RPS6KA4: variants seen among roughly 807,000 people sequenced by gnomAD.
RPS6KA4 encodes ribosomal protein S6 kinase A4.
A neutral mutation model predicts 89.6 loss-of-function variants in RPS6KA4; 38 were observed. The observed-to-expected ratio is 0.42, with a 90% CI of 0.33 to 0.56. RPS6KA4 has a LOEUF of 0.56. Ranked by LOEUF, RPS6KA4 falls within the 20% of genes least tolerant of loss-of-function variation. The pLI is 0.07. For synonymous variants in RPS6KA4, 495 were observed against 492.8 expected (o/e 1.00, Z -0.06); for missense variants, 873 against 1,098.8 (o/e 0.79, Z 2.90).
Position 64,359,458 on chromosome 11 carries a change from C to A in RPS6KA4, c.127+9C>A, listed in dbSNP as rs571704959. On this transcript the variant is annotated intron_variant, in intron 2 of 16. Transcript: ENST00000334205. ...GGTGCTGGGCACGGGAGGTGAGGAC[C>A]CCCATCCACCGGGCAGGCGTCCCAG... 6 of 1,613,080 alleles carry A rather than the reference C, an allele frequency of 3.7e-6. No individual in the cohort carries two copies. The African/African-American group carries it at 5.3e-5, about 14-fold the overall frequency.
At position 64,361,921 on chromosome 11, in the gene RPS6KA4, G is replaced by A. The variant is rs754256391; in HGVS notation, c.825G>A (p.Arg275=). 3.1e-6 allele frequency: 5 copies of A among 1,612,586 alleles called. No individual in the cohort carries two copies. Among genetic ancestry groups the A allele is most frequent in the Non-Finnish European group, 4.2e-6 (5 of 1,179,766 alleles). Residue 275 remains arginine (R), a synonymous_variant, in exon 8 of 17, where the codon CGG becomes CGA. Transcript: ENST00000334205. This position sits in a 1 kb window ranked among gnomAD's most constrained non-coding sequence, Gnocchi z 4.7. ...CCGTGGCGCAGGACCTGCTGCAGCGGCTGCTTTGTAAGGATCCTAAGAAGC... is the reference window on the plus strand; with the variant it reads ...CCGTGGCGCAGGACCTGCTGCAGCGACTGCTTTGTAAGGATCCTAAGAAGC... ...IGPVAQDLLQ[R]LLCKDPKKRL... is the part of the protein sequence containing the mutation.
At position 64,361,420 on chromosome 11, in the gene RPS6KA4, G is replaced by A. The variant is rs772604715; in HGVS notation, c.571-49G>A. ...TTACTCTGGGCCTTGTGGGGCACTG[G>A]GGCACAGGAGAGGTTTCGACATCTA... is the stretch of plus-strand genomic sequence containing the variant. On this transcript the variant is annotated intron_variant, in intron 5 of 16. Coordinates refer to ENST00000334205, the MANE Select transcript of RPS6KA4 (RefSeq NM_003942.3). This position sits in a 1 kb window ranked among gnomAD's most constrained non-coding sequence, Gnocchi z 4.7. The A allele has an allele frequency of 2.5e-6, 4 of 1,601,184 alleles. No individual in the cohort carries two copies. The highest frequency in any genetic ancestry group is 3.4e-6 in the Non-Finnish European group (4 of 1,169,572).
At chr11:64,368,931 G>T (rs2036971552) in intron 12 of RPS6KA4, 134 bp downstream of exon 12, 1 of 821,864 alleles carries the variant, frequency 1.2e-6, no homozygotes, top group African/African-American at 1.7e-5. Flanking sequence ...GACCAGGGAG[G>T]CGCAGGGAGT....
rs758548221 is a variant in RPS6KA4, at chr11:64,371,437, A to C, written c.2276A>C (p.Lys759Thr). Residue 759 changes from lysine to threonine, a missense_variant, in exon 17 of 17, where the codon AAA becomes ACA. By Grantham distance (78) the Lys-to-Thr change is moderately conservative. Transcript: ENST00000334205. ...ANPGRAPVAS[K>T]GAPRRANGPL... ...CCGGGCCGAGCCCCCGTCGCCTCCA[A>C]AGGGGCCCCCCGCCGAGCCAACGGC... 1 of 1,593,296 alleles carries C rather than the reference A, an allele frequency of 6.3e-7. No individual in the cohort carries two copies. Among genetic ancestry groups the C allele is most frequent in the East Asian group, 2.3e-5 (1 of 44,300 alleles).
In RPS6KA4 at chr11:64,359,921, C is replaced by T. The variant is rs549391673; in HGVS notation, c.128-242C>T. 1.2e-5 allele frequency: 7 copies of T among 580,492 alleles called. No individual in the cohort carries two copies. In the South Asian group the frequency reaches 1.5e-4, roughly 12 times the overall value. The allele number at this position is 580,492 out of a possible 1,614,324, so 36.0% of individuals were successfully genotyped here. A position where few individuals can be genotyped will look rare whatever the true frequency, so the allele number is the denominator to read the frequency against. ...CCGCCCCCATGCCTCGCAGCAGGCC[C>T]CCTGGAGATGCATGCTCCCCAGCCT... On this transcript the variant is annotated intron_variant, in intron 2 of 16. Coordinates refer to ENST00000334205, the MANE Select transcript of RPS6KA4 (RefSeq NM_003942.3).
Position 64,365,322 on chromosome 11 carries a change from G to T in RPS6KA4, c.928G>T (p.Ala310Ser). ...TCAGGGCCTCGATTGGGTGGCTCTG[G>T]CTGCCAGGAAGATTCCAGCCCCATT... is the stretch of plus-strand genomic sequence containing the variant. ...FFQGLDWVALAARKIPAPFRP... is the reference protein window; with the variant it reads ...FFQGLDWVALSARKIPAPFRP... The change falls in exon 9 of 17, where the codon GCT becomes TCT. Residue 310 changes from alanine to serine, a missense_variant. Around this residue, in one of 4 missense-constraint regions of RPS6KA4, gnomAD observed 542 missense variants for 736.4 expected, o/e 0.74. Coordinates refer to ENST00000334205, the MANE Select transcript of RPS6KA4 (RefSeq NM_003942.3). 1 of 1,613,614 alleles carries T rather than the reference G, an allele frequency of 6.2e-7. No homozygotes were observed. Among genetic ancestry groups the T allele is most frequent in the Non-Finnish European group, 8.5e-7 (1 of 1,179,726 alleles).
chr11:64,363,404 A>G (rs681797), intron 8 of RPS6KA4, among the ~76,000 whole-genome samples: 147,968 of 152,328 alleles, frequency 0.97, 72,006 homozygotes, highest in Middle Eastern at 1. Flanking sequence ...TGCGCTGGAT[A>G]CTGGAGTGGG....
intron 4 of RPS6KA4, chr11:64,360,864 T>C: frequency 1.7e-6 from 1 of 574,646 alleles, no homozygotes; most frequent in East Asian, 2.9e-5. Context: ...AATGGAAACC[T>C]CACGGCCTGG....
intron 10 of RPS6KA4, 32 bp from the exon 11 acceptor site, chr11:64,368,436 G>T: frequency 1.3e-6 from 2 of 1,541,582 alleles, no homozygotes; most frequent in Non-Finnish European, 1.7e-6. Flanking sequence ...CTGACGCGCC[G>T]CCTTCGCCTT....
At chr11:64,368,397 CG>C in intron 10 of RPS6KA4, 70 bp from the exon 11 acceptor site, 2 of 1,539,458 alleles carry the variant, frequency 1.3e-6, no homozygotes, top group Non-Finnish European at 1.7e-6. Flanking sequence ...TGGGGCGTGG[CG>C]GGGCCGCGGG....
chr11:64,361,980 T>C lies in RPS6KA4; in HGVS notation c.884T>C (p.Val295Ala). ...LGAGPQGAQE[V>A]RNHPFFQGLD... ...GCGGGGCCCCAGGGGGCACAAGAAG[T>C]CCGGAACCATCCCTTCTTCCAGGTG... The change falls in exon 8 of 17, where the codon GTC becomes GCC. Residue 295 changes from valine to alanine, a missense_variant. This residue lies in a region of RPS6KA4 where 542 missense variants were observed against 736.4 expected (regional missense o/e 0.74). Coordinates refer to ENST00000334205, the MANE Select transcript of RPS6KA4 (RefSeq NM_003942.3). The surrounding 1 kb of genome is among the most constrained non-coding windows in gnomAD (Gnocchi z 4.7). 1.2e-6 allele frequency: 2 copies of C among 1,610,016 alleles called. No individual in the cohort carries two copies. The highest frequency in any genetic ancestry group is 1.7e-6 in the Non-Finnish European group (2 of 1,178,868).
intron 2 of RPS6KA4, 82 bp downstream of exon 2, chr11:64,359,531 G>A (rs1305725019): frequency 6.8e-7 from 1 of 1,467,726 alleles, no homozygotes; most frequent in Non-Finnish European, 9.4e-7. Flanking sequence ...GCCTGGGCCA[G>A]GCCACTGAGC....
intron 10 of RPS6KA4, 26 bp from the exon 11 acceptor site, chr11:64,368,442 G>A: frequency 1.3e-6 from 2 of 1,544,934 alleles, no homozygotes; most frequent in Non-Finnish European, 1.7e-6. Flanking sequence ...CGCCGCCTTC[G>A]CCTTCGCCTT....
Position 64,370,537 on chromosome 11 carries a change from C to A in RPS6KA4, c.1958-26C>A. On this transcript the variant is annotated intron_variant, in intron 15 of 16. Transcript: ENST00000334205. This position sits in a 1 kb window ranked among gnomAD's most constrained non-coding sequence, Gnocchi z 4.1. ...GCTCAGCCTTTACGCCAGGCTCCTCCCCACACTTCCTTGCCCCGCCTCCAG... is the reference window on the plus strand; with the variant it reads ...GCTCAGCCTTTACGCCAGGCTCCTCACCACACTTCCTTGCCCCGCCTCCAG... 6.3e-7 allele frequency: 1 copy of A among 1,589,332 alleles called. No individual in the cohort carries two copies. The highest frequency in any genetic ancestry group is 1.1e-5 in the South Asian group (1 of 89,396).
In RPS6KA4 at chr11:64,361,603, AG is replaced by A. The variant is rs760882976; in HGVS notation, c.652-35del. The A allele has an allele frequency of 6.2e-7, 1 of 1,612,702 alleles. No homozygotes were observed. Among genetic ancestry groups the A allele is most frequent in the African/African-American group, 1.3e-5 (1 of 75,038 alleles). On this transcript the variant is annotated intron_variant, in intron 6 of 16. Coordinates refer to ENST00000334205, the MANE Select transcript of RPS6KA4 (RefSeq NM_003942.3). The surrounding 1 kb of genome is among the most constrained non-coding windows in gnomAD (Gnocchi z 4.7). ...GAGGTGGAAAGGTGGGGTGTGAGGCAGGGGAGATGCAGGCCCTCACCCCGGC... is the reference window on the plus strand; with the variant it reads ...GAGGTGGAAAGGTGGGGTGTGAGGCAGGGAGATGCAGGCCCTCACCCCGGC...
chr11:64,360,411 G>C (rs778937810), intron 3 of RPS6KA4, 30 bp downstream of exon 3: 2 of 1,564,106 alleles, frequency 1.3e-6, no homozygotes, highest in African/African-American at 2.7e-5. Context: ...CAACGGGGTT[G>C]GGGTGGCTGG....
intron 9 of RPS6KA4, 121 bp downstream of exon 9, chr11:64,365,586 C>T: frequency 2.7e-6 from 3 of 1,092,198 alleles, no homozygotes; most frequent in Non-Finnish European, 3.9e-6. Flanking sequence ...CAGCGTCTCC[C>T]CTAGACGTCG....
chr11:64,371,612 CCAGA>C lies in RPS6KA4; in HGVS notation c.*137_*140del. 3 of 566,336 alleles carry C rather than the reference CCAGA, an allele frequency of 5.3e-6. No individual in the cohort carries two copies. Among genetic ancestry groups the C allele is most frequent in the African/African-American group, 1.9e-5 (1 of 52,170 alleles). The allele number at this position is 566,336 out of a possible 1,614,324, so 35.1% of individuals were successfully genotyped here. ...TTTCCTCTCCTACCCCACCCCACTC[CCAGA>C]CAGAGCAGAAGTATTTTTATAAGCA... is the stretch of plus-strand genomic sequence containing the variant. On this transcript the variant is annotated 3_prime_UTR_variant, in exon 17 of 17. Transcript: ENST00000334205.
chr11:64,363,593 G>A (rs564187217), intron 8 of RPS6KA4, among the ~76,000 whole-genome samples: 36 of 152,170 alleles, frequency 2.4e-4, no homozygotes, highest in African/African-American at 8.4e-4. Context: ...CCTGGTTCAA[G>A]TGATTCTCCT....
Sources: allele counts gnomAD v4.1 joint callset (sites outside exome capture counted in the v4.1 genomes callset), GRCh38; gene constraint gnomAD v4.1.1; regional missense constraint gnomAD v4.1.1; non-coding constraint Gnocchi (gnomAD v3.1); transcripts MANE v1.5; gene names NCBI Gene and HGNC (gene_info 2026-07-23, HGNC 2026-07-21).